MPP7: variants seen among roughly 807,000 people sequenced by gnomAD.
MPP7 encodes MAGUK p55 scaffold protein 7.
In MPP7, 60 loss-of-function variants were observed where a neutral mutation model predicts 76.5. The ratio of observed to expected loss-of-function variants is 0.78; its 90% CI spans 0.64 to 0.97. The LOEUF is 0.97. Among genes scored for constraint, MPP7 ranks in the 50% least tolerant of loss-of-function variants. The pLI is 0.00. For synonymous variants in MPP7, 237 were observed against 244.5 expected, an observed-to-expected ratio of 0.97 and a Z score of 0.29; for missense variants, 641 against 694.0, an observed-to-expected ratio of 0.92 and a Z score of 0.86.
chr10:28,272,926 G>GTTTGTTTTTTTTGTTTGTTT (rs1399045292), intron 1 of MPP7, among the ~76,000 whole-genome samples: 14 of 151,932 alleles, frequency 9.2e-5, no homozygotes, highest in African/African-American at 3.1e-4. Context: ...TTGTTTGTTT[G>GTTTGTTTTTTTTGTTTGTTT]TTTGTTTTTG....
At chr10:28,281,260 TGTATTTTTA>T (rs1428204704) in intron 1 of MPP7, among the ~76,000 whole-genome samples, 1 of 151,994 alleles carries the variant, frequency 6.6e-6, no homozygotes, top group Non-Finnish European at 1.5e-5. Flanking sequence ...TTGTATTTTT[TGTATTTTTA>T]GTAGAGATGG....
At position 28,059,761 on chromosome 10, in the gene MPP7, G is replaced by C. The variant is rs1356833448; in HGVS notation, c.1205-18C>G. On this transcript the variant is annotated intron_variant, in intron 13 of 16. Transcript: ENST00000683449. ...GGTGGTATCTATGATTTAATGAAAA[G>C]GAGTTTAGAAAAGCCCACATCAGCC... The C allele has an allele frequency of 1.9e-6, 3 of 1,576,594 alleles. No homozygotes were observed. The highest frequency in any genetic ancestry group is 1.3e-5 in the African/African-American group (1 of 74,196).
chr10:28,283,660 G>A (rs1475068598), intron 1 of MPP7, among the ~76,000 whole-genome samples: 2 of 151,806 alleles, frequency 1.3e-5, no homozygotes, highest in African/African-American at 2.4e-5. Flanking sequence ...GATTACAGGC[G>A]CCCGCCACCA....
intron 5 of MPP7, among the ~76,000 whole-genome samples, chr10:28,139,553 G>A (rs1222887294): frequency 6.6e-6 from 1 of 152,022 alleles, no homozygotes; most frequent in Non-Finnish European, 1.5e-5. Context: ...ACAAACATCT[G>A]TTAAAGGTCC....
chr10:28,061,495 A>AAACAAC (rs760494071), intron 13 of MPP7, among the ~76,000 whole-genome samples: 2 of 151,972 alleles, frequency 1.3e-5, no homozygotes, highest in African/African-American at 4.8e-5. Context: ...TATATAATCT[A>AAACAAC]AACAACAACA....
chr10:28,051,650 C>T lies in MPP7; in HGVS notation c.*2415G>A, dbSNP rs892486130. 1 of 152,120 alleles carries T rather than the reference C, an allele frequency of 6.6e-6. No homozygotes were observed. The highest frequency in any genetic ancestry group is 2.4e-5 in the African/African-American group (1 of 41,422). The allele number at this position is 152,120 out of a possible 1,614,324, so 9.4% of individuals were successfully genotyped here. A position where few individuals can be genotyped will look rare whatever the true frequency, so the allele number is the denominator to read the frequency against. On this transcript the variant is annotated 3_prime_UTR_variant, in exon 17 of 17. Coordinates refer to ENST00000683449, the MANE Select transcript of MPP7 (RefSeq NM_001318170.2). ...GGGAAGAAAGTACAGAATTCAGGGCCTTTTTGCTGCCGTTGTCAATGAACT... is the reference window on the plus strand; with the variant it reads ...GGGAAGAAAGTACAGAATTCAGGGCTTTTTTGCTGCCGTTGTCAATGAACT...
chr10:28,065,641 A>G (rs1851961269), intron 13 of MPP7, among the ~76,000 whole-genome samples: 1 of 152,214 alleles, frequency 6.6e-6, no homozygotes, highest in Non-Finnish European at 1.5e-5. Flanking sequence ...CCCTCTTCCC[A>G]TGTCCCCAAA....
At position 28,136,566 on chromosome 10, in the gene MPP7, C is replaced by T. The variant is rs189253504; in HGVS notation, c.316-4875G>A. On this transcript the variant is annotated intron_variant, in intron 5 of 16. Coordinates refer to ENST00000683449, the MANE Select transcript of MPP7 (RefSeq NM_001318170.2). Reference sequence around the variant, plus strand: ...TGGATAAAACCAAACCCTAAAATTACACAGATAGCAGACAAGAAAATTAAA... The same window carrying T: ...TGGATAAAACCAAACCCTAAAATTATACAGATAGCAGACAAGAAAATTAAA... Among the ~76,000 whole-genome samples, 569 of 152,156 alleles carry T rather than the reference C, an allele frequency of 3.7e-3. 4 individuals carry two copies. The highest frequency in any genetic ancestry group is 7.8e-3 in the Admixed American group (119 of 15,284).
At chr10:28,118,808 T>G in intron 11 of MPP7, 1 of 985,408 alleles carries the variant, frequency 1.0e-6, no homozygotes, top group South Asian at 4.7e-5. Flanking sequence ...TTCTGCAAAC[T>G]GACAGAAATC....
At chr10:28,169,234 T>C (rs978937541) in intron 3 of MPP7, among the ~76,000 whole-genome samples, 3 of 152,164 alleles carry the variant, frequency 2.0e-5, no homozygotes, top group African/African-American at 7.2e-5. Context: ...TCCGAGCCTA[T>C]AATCCTCACT....
intron 2 of MPP7, among the ~76,000 whole-genome samples, chr10:28,319,586 G>A (rs1368946676): frequency 1.3e-5 from 2 of 152,152 alleles, no homozygotes; most frequent in African/African-American, 4.8e-5. Flanking sequence ...TATATCTTCA[G>A]TTAACTGTAT....
chr10:28,108,304 T>C (rs1318554906), intron 11 of MPP7, among the ~76,000 whole-genome samples: 1 of 152,192 alleles, frequency 6.6e-6, no homozygotes, highest in Non-Finnish European at 1.5e-5. Context: ...CCAGGAGATA[T>C]TATCATCATA....
rs772755672 is a variant in MPP7, at chr10:28,202,215, G to T, written c.94C>A (p.Gln32Lys). 1 of 1,613,732 alleles carries T rather than the reference G, an allele frequency of 6.2e-7. No individual in the cohort carries two copies. The highest frequency in any genetic ancestry group is 1.1e-5 in the South Asian group (1 of 91,046). Residue 32 changes from glutamine (Q) to lysine (K), a missense_variant, in exon 3 of 17, where the codon CAG becomes AAG. By Grantham distance (53) the Gln-to-Lys change is moderately conservative (BLOSUM62 1). Transcript: ENST00000683449. ...TCCCAGAGGAAGGTCAGGTCTTCCT[G>T]GCTATCCACATGTGGCTGCAGCTGG... ...PAQLQPHVDS[Q>K]EDLTFLWDMF...
At chr10:28,241,363 G>A (rs1839262533) in intron 1 of MPP7, among the ~76,000 whole-genome samples, 1 of 152,034 alleles carries the variant, frequency 6.6e-6, no homozygotes, top group Admixed American at 6.6e-5. Flanking sequence ...TATCTTTTAA[G>A]TATATATACT....
At chr10:28,277,478 G>A (rs11006980) in intron 1 of MPP7, among the ~76,000 whole-genome samples, 14,784 of 151,962 alleles carry the variant, frequency 0.097, 922 homozygotes, top group South Asian at 0.16. Flanking sequence ...ATTCAAAGCC[G>A]TCCTGGGCTG....
rs1374205633 is a variant in MPP7 at position 28,053,904 on chromosome 10, G to A, written c.*161C>T. On this transcript the variant is annotated 3_prime_UTR_variant, in exon 17 of 17. Coordinates refer to ENST00000683449, the MANE Select transcript of MPP7 (RefSeq NM_001318170.2). ...GATCTTATACTAACACATGGCGTTT[G>A]AAATAAGGCTGTAAAAAGATACAAA... 1 of 638,748 alleles carries A rather than the reference G, an allele frequency of 1.6e-6. No individual in the cohort carries two copies. Among genetic ancestry groups the A allele is most frequent in the Non-Finnish European group, 2.7e-6 (1 of 366,258 alleles). The allele number at this position is 638,748 out of a possible 1,614,324, so 39.6% of individuals were successfully genotyped here. A position where few individuals can be genotyped will look rare whatever the true frequency, so the allele number is the denominator to read the frequency against.
chr10:28,267,266 C>T (rs1391698908), intron 1 of MPP7, among the ~76,000 whole-genome samples: 1 of 152,160 alleles, frequency 6.6e-6, no homozygotes, highest in African/African-American at 2.4e-5. Context: ...ATTTGCTAAC[C>T]TCTGCATTAG....
intron 12 of MPP7, among the ~76,000 whole-genome samples, chr10:28,084,088 A>C (rs533272552): frequency 6.6e-5 from 10 of 152,326 alleles, no homozygotes; most frequent in African/African-American, 2.4e-4. Context: ...AAAGGCTAAT[A>C]ATCATAACAA....
chr10:28,150,409 A>G (rs1835846517), intron 3 of MPP7, among the ~76,000 whole-genome samples: 1 of 152,224 alleles, frequency 6.6e-6, no homozygotes, highest in African/African-American at 2.4e-5. Flanking sequence ...TATTGCTGCA[A>G]TATTTCAAGT....
Sources: allele counts gnomAD v4.1 joint callset (sites outside exome capture counted in the v4.1 genomes callset), GRCh38; gene constraint gnomAD v4.1.1; transcripts MANE v1.5; gene names NCBI Gene and HGNC (gene_info 2026-07-23, HGNC 2026-07-21).